The following USH2A variants were observed in gnomAD, a reference collection of about 807,000 sequenced individuals.
USH2A encodes the protein Usher syndrome 2A (autosomal recessive, mild).
USH2A carries 443 observed loss-of-function variants against 538.9 expected under a neutral mutation model. The observed-to-expected ratio is 0.82, with a 90% CI of 0.76 to 0.89. USH2A has a LOEUF of 0.89. Ranked by LOEUF, USH2A falls within the 40% of genes least tolerant of loss-of-function variation. The pLI is 0.00. For synonymous variants in USH2A, 2,413 were observed against 2,273.5 expected, an observed-to-expected ratio of 1.06 and a Z score of -1.75; for missense variants, 6,633 against 6,324.8, an observed-to-expected ratio of 1.05 and a Z score of -1.65.
At chr1:216,411,421 G>C (rs2039487567) in intron 3 of USH2A, among the ~76,000 whole-genome samples, 1 of 152,044 alleles carries the variant, frequency 6.6e-6, no homozygotes, top group African/African-American at 2.4e-5. Flanking sequence ...TGTCTTTTTG[G>C]ATGTAATTGT....
Position 215,650,595 on chromosome 1 carries a change from T to A in USH2A, c.14340A>T (p.Thr4780=). 1 of 1,614,178 alleles carries A rather than the reference T, an allele frequency of 6.2e-7. No homozygotes were observed. ...LFSSSAHGAE[T]VLSEGMATQQ... is the part of the protein sequence containing the mutation. Reference sequence around the variant, plus strand: ...GATTTTTAGCTCTGCTGCTCACCACTGTCTCAGCCCCATGGGCGCTGCTGG... The same window carrying A: ...GATTTTTAGCTCTGCTGCTCACCACAGTCTCAGCCCCATGGGCGCTGCTGG... Residue 4780 remains threonine, a synonymous_variant, in exon 65 of 72, where the codon ACA becomes ACT. Transcript: ENST00000307340.
intron 3 of USH2A, among the ~76,000 whole-genome samples, chr1:216,402,341 A>T (rs2039319924): frequency 6.6e-6 from 1 of 152,174 alleles, no homozygotes; most frequent in Non-Finnish European, 1.5e-5. Context: ...GTAAAAGAAA[A>T]TTTTGAAAAC....
At chr1:216,065,832 G>A (rs1379178960) in intron 30 of USH2A, among the ~76,000 whole-genome samples, 1 of 152,102 alleles carries the variant, frequency 6.6e-6, no homozygotes, top group Non-Finnish European at 1.5e-5. Flanking sequence ...AGGAGGCAGA[G>A]TTTGCAGTGA....
At chr1:216,135,381 C>T (rs1010362501) in intron 21 of USH2A, among the ~76,000 whole-genome samples, 3 of 151,842 alleles carry the variant, frequency 2.0e-5, no homozygotes, top group East Asian at 3.9e-4. Flanking sequence ...TTGCATATTT[C>T]GGTGGTCAAG....
chr1:215,834,730 T>A (rs1002700479), intron 47 of USH2A, among the ~76,000 whole-genome samples: 2 of 152,158 alleles, frequency 1.3e-5, no homozygotes, highest in African/African-American at 4.8e-5. Context: ...AATCTTTTGA[T>A]CTGCACAGTA....
chr1:216,092,453 A>G (rs2032324664), intron 22 of USH2A, among the ~76,000 whole-genome samples: 1 of 152,218 alleles, frequency 6.6e-6, no homozygotes, highest in Admixed American at 6.5e-5. Context: ...TGTAATGCCA[A>G]TAGAAGGCAT....
intron 30 of USH2A, among the ~76,000 whole-genome samples, chr1:216,062,494 A>G (rs564749564): frequency 1.3e-5 from 2 of 152,366 alleles, no homozygotes; most frequent in South Asian, 4.1e-4. Flanking sequence ...ACTGTAATTC[A>G]GAGATTATAA....
At chr1:216,342,428 G>A (rs2038093360) in intron 4 of USH2A, among the ~76,000 whole-genome samples, 1 of 152,128 alleles carries the variant, frequency 6.6e-6, no homozygotes, top group Non-Finnish European at 1.5e-5. Flanking sequence ...AAACAGTGTG[G>A]TGATTCCCCA....
chr1:215,649,879 G>A (rs767988531), intron 65 of USH2A, among the ~76,000 whole-genome samples: 23 of 152,136 alleles, frequency 1.5e-4, no homozygotes, highest in Non-Finnish European at 2.6e-4. Flanking sequence ...AGTCTTCATC[G>A]TGCTGGCTGC....
intron 40 of USH2A, among the ~76,000 whole-genome samples, chr1:215,897,485 G>A (rs530054320): frequency 1.5e-4 from 23 of 151,978 alleles, no homozygotes; most frequent in Non-Finnish European, 2.9e-4. Flanking sequence ...TCAGGAGTTC[G>A]AGACCAGCCT....
intron 70 of USH2A, among the ~76,000 whole-genome samples, chr1:215,631,238 G>C (rs1411685135): frequency 6.6e-6 from 1 of 151,580 alleles, no homozygotes; most frequent in Non-Finnish European, 1.5e-5. Context: ...GTGTGTGTGT[G>C]TGTGTGTGTG....
At chr1:215,722,194 T>C (rs1659684192) in intron 61 of USH2A, among the ~76,000 whole-genome samples, 1 of 152,140 alleles carries the variant, frequency 6.6e-6, no homozygotes, top group Non-Finnish European at 1.5e-5. Context: ...AATGTGAAAA[T>C]CTCAGTTTAT....
chr1:215,956,639 T>A (rs1164689494), intron 37 of USH2A, among the ~76,000 whole-genome samples: 2 of 152,250 alleles, frequency 1.3e-5, no homozygotes, highest in African/African-American at 4.8e-5. Flanking sequence ...CCTGAATCAG[T>A]GTACGACCCA....
At chr1:215,691,171 C>T (rs1249828544) in intron 61 of USH2A, among the ~76,000 whole-genome samples, 3 of 151,906 alleles carry the variant, frequency 2.0e-5, no homozygotes, top group Non-Finnish European at 4.4e-5. Flanking sequence ...TGTGAGCCAC[C>T]GTGCCCAGCC....
At chr1:216,130,816 C>G (rs1039605547) in intron 21 of USH2A, among the ~76,000 whole-genome samples, 2 of 151,378 alleles carry the variant, frequency 1.3e-5, no homozygotes, top group Non-Finnish European at 2.9e-5. Context: ...TTCTTTTCCT[C>G]TGGGTAGATG....
intron 9 of USH2A, among the ~76,000 whole-genome samples, chr1:216,299,291 TTATAAA>T (rs1360408096): frequency 6.6e-6 from 1 of 152,016 alleles, no homozygotes; most frequent in Non-Finnish European, 1.5e-5. Context: ...AGGCTAACAT[TTATAAA>T]TATAAATAGA....
At chr1:216,179,094 A>G (rs2034443236) in intron 20 of USH2A, among the ~76,000 whole-genome samples, 1 of 152,096 alleles carries the variant, frequency 6.6e-6, no homozygotes, top group Non-Finnish European at 1.5e-5. Flanking sequence ...ATACATCTCT[A>G]CTTTACTCCA....
chr1:215,653,992 ATTTTCTCTTTC>A (rs1410981671), intron 64 of USH2A, among the ~76,000 whole-genome samples: 1 of 152,064 alleles, frequency 6.6e-6, no homozygotes, highest in Non-Finnish European at 1.5e-5. Flanking sequence ...ACAGTTGTGT[ATTTTCTCTTTC>A]TTTAGTGTGT....
chr1:215,964,184 G>A (rs369227077), intron 37 of USH2A, among the ~76,000 whole-genome samples: 12 of 152,210 alleles, frequency 7.9e-5, no homozygotes, highest in East Asian at 7.7e-4. Flanking sequence ...CTGCCTTGGC[G>A]GAAATAGCTG....
Sources: allele counts gnomAD v4.1 joint callset (sites outside exome capture counted in the v4.1 genomes callset), GRCh38; gene constraint gnomAD v4.1.1; transcripts MANE v1.5; gene names NCBI Gene and HGNC (gene_info 2026-07-23, HGNC 2026-07-21).